Variants in PDE8B observed in about 807,000 individuals in gnomAD.
The protein encoded by PDE8B is high affinity cAMP-specific and IBMX-insensitive 3',5'-cyclic phosphodiesterase 8B.
A neutral mutation model predicts 101.3 loss-of-function variants in PDE8B; 26 were observed. The observed-to-expected ratio is 0.26, with a 90% CI of 0.19 to 0.36. The LOEUF is 0.36. Ranked by LOEUF, PDE8B falls within the 10% of genes least tolerant of loss-of-function variation. PDE8B has a pLI of 1.00. For synonymous variants in PDE8B, 424 were observed against 429.3 expected (o/e 0.99, Z 0.15); for missense variants, 810 against 1,163.1 (o/e 0.70, Z 4.42).
At chr5:77,297,182 C>T (rs868295142) in intron 1 of PDE8B, among the ~76,000 whole-genome samples, 49 of 152,218 alleles carry the variant, frequency 3.2e-4, no homozygotes, top group African/African-American at 1.2e-3. Flanking sequence ...AACTAACCCA[C>T]TCTCAAGATA....
chr5:77,290,328 G>T, intron 1 of PDE8B: 1 of 1,486,504 alleles, frequency 6.7e-7, no homozygotes, highest in Non-Finnish European at 9.4e-7. Flanking sequence ...GGGGCTCCGA[G>T]AGGAAAATGA....
At chr5:77,107,111 C>T in the PDE8B span, among the ~76,000 whole-genome samples, 4 of 152,000 alleles carry the variant, frequency 2.6e-5, no homozygotes, top group Middle Eastern at 3.4e-3. Flanking sequence ...TCCAAGTGTT[C>T]TCATTGTTCA....
the PDE8B span, chr5:77,148,349 A>C: frequency 1.3e-5 from 2 of 152,212 alleles, no homozygotes; most frequent in Non-Finnish European, 2.9e-5. Context: ...ACATTCATGT[A>C]CAGTTTTGTG....
the PDE8B span, among the ~76,000 whole-genome samples, chr5:77,108,993 G>A: frequency 6.6e-6 from 1 of 152,200 alleles, no homozygotes; most frequent in Middle Eastern, 3.2e-3. Context: ...GCAATTGTCA[G>A]CCCATTGACC....
intron 1 of PDE8B, among the ~76,000 whole-genome samples, chr5:77,308,515 C>T (rs1203702537): frequency 6.6e-6 from 1 of 152,214 alleles, no homozygotes. Context: ...CTCCCACGAG[C>T]TCACAGCATG....
intron 1 of PDE8B, among the ~76,000 whole-genome samples, chr5:77,268,597 G>A (rs1186344726): frequency 2.0e-5 from 3 of 151,144 alleles, no homozygotes; most frequent in Non-Finnish European, 4.4e-5. Flanking sequence ...CCACAAATAA[G>A]TGAGAACATG....
At chr5:77,091,529 C>G in the PDE8B span, among the ~76,000 whole-genome samples, 1 of 152,058 alleles carries the variant, frequency 6.6e-6, no homozygotes, top group African/African-American at 2.4e-5. Context: ...ATAAGCCCAG[C>G]TACCTGGGAG....
intron 2 of PDE8B, among the ~76,000 whole-genome samples, chr5:77,318,837 A>G (rs948569999): frequency 1.3e-5 from 2 of 152,254 alleles, no homozygotes. Context: ...CAAACCAAAT[A>G]TTCCAAAAAC....
At chr5:77,265,802 T>A (rs1447605759) in intron 1 of PDE8B, among the ~76,000 whole-genome samples, 2 of 152,242 alleles carry the variant, frequency 1.3e-5, no homozygotes, top group Non-Finnish European at 2.9e-5. Flanking sequence ...AGACATTTAT[T>A]TCAATATTAA....
intron 10 of PDE8B, among the ~76,000 whole-genome samples, chr5:77,399,303 A>G (rs1392260885): frequency 6.6e-6 from 1 of 152,246 alleles, no homozygotes; most frequent in Non-Finnish European, 1.5e-5. Flanking sequence ...AGAAGTCAAC[A>G]TGGTGGATTA....
intron 1 of PDE8B, among the ~76,000 whole-genome samples, chr5:77,264,783 GT>G (rs1026354854): frequency 2.6e-5 from 4 of 152,132 alleles, no homozygotes; most frequent in African/African-American, 7.2e-5. Context: ...GAGCAATTAT[GT>G]TATTATTCTT....
chr5:77,378,398 G>A (rs1581351365), intron 10 of PDE8B, among the ~76,000 whole-genome samples: 1 of 141,762 alleles, frequency 7.1e-6, no homozygotes, highest in East Asian at 2.2e-4. Context: ...GGCAGAGGTT[G>A]CAGTGAACTG....
intron 19 of PDE8B, among the ~76,000 whole-genome samples, 173 bp from the exon 20 acceptor site, chr5:77,421,648 T>C (rs1180276872): frequency 6.6e-6 from 1 of 152,128 alleles, no homozygotes; most frequent in South Asian, 2.1e-4. Flanking sequence ...TATTCTTTTT[T>C]TAAAGAATGT....
At chr5:77,120,572 T>A in the PDE8B span, among the ~76,000 whole-genome samples, 1 of 152,200 alleles carries the variant, frequency 6.6e-6, no homozygotes, top group Non-Finnish European at 1.5e-5. Flanking sequence ...TAAATGGATA[T>A]ACGTATGATA....
At chr5:77,421,628 T>C (rs1796659794) in intron 19 of PDE8B, among the ~76,000 whole-genome samples, 193 bp from the exon 20 acceptor site, 1 of 152,178 alleles carries the variant, frequency 6.6e-6, no homozygotes, top group South Asian at 2.1e-4. Flanking sequence ...CTTTTAAGAC[T>C]GTATCAGTAT....
At chr5:77,336,569 T>G (rs1430594247) in intron 5 of PDE8B, among the ~76,000 whole-genome samples, 1 of 152,262 alleles carries the variant, frequency 6.6e-6, no homozygotes, top group African/African-American at 2.4e-5. Context: ...TATTCCCATT[T>G]TATGGTCAAG....
chr5:77,251,347 T>C (rs923373559), intron 1 of PDE8B, among the ~76,000 whole-genome samples: 1 of 152,242 alleles, frequency 6.6e-6, no homozygotes, highest in African/African-American at 2.4e-5. Context: ...TTTCTTCTTA[T>C]ATAAGTGCCA....
chr5:77,425,673 G>T, intron 20 of PDE8B, 94 bp from the exon 21 acceptor site: 1 of 1,275,760 alleles, frequency 7.8e-7, no homozygotes, highest in South Asian at 1.2e-5. Flanking sequence ...ACTGGATAAT[G>T]ACCCATTTTC....
intron 2 of PDE8B, among the ~76,000 whole-genome samples, chr5:77,322,118 G>T (rs1479599): frequency 0.015 from 2,220 of 152,254 alleles, 56 homozygotes; most frequent in African/African-American, 0.05. Flanking sequence ...AAAGGTCTGG[G>T]ACATATTGGT....
Sources: allele counts gnomAD v4.1 joint callset (sites outside exome capture counted in the v4.1 genomes callset), GRCh38; gene constraint gnomAD v4.1.1; transcripts MANE v1.5; gene names NCBI Gene and HGNC (gene_info 2026-07-23, HGNC 2026-07-21).